The following SVIL variants were observed in gnomAD, a reference collection of about 807,000 sequenced individuals.
The protein encoded by SVIL is archvillin.
A neutral mutation model predicts 240.4 loss-of-function variants in SVIL; 101 were observed. That is an observed-to-expected ratio of 0.42 (90% CI 0.36 to 0.50). The LOEUF is 0.50. Ranked by LOEUF, SVIL falls within the 20% of genes least tolerant of loss-of-function variation. SVIL has a pLI of 0.01. For missense variants in SVIL, 2,512 were observed against 2,818.7 expected (o/e 0.89, Z 2.46); for synonymous variants, 999 against 1,100.0 (o/e 0.91, Z 1.82).
chr10:29,605,247 G>T (rs937417289), intron 1 of SVIL, among the ~76,000 whole-genome samples: 7 of 152,108 alleles, frequency 4.6e-5, no homozygotes, highest in Non-Finnish European at 8.8e-5. Flanking sequence ...GGGCCTTAAG[G>T]TTTCTATTCT....
At chr10:29,631,131 G>A (rs1958072755) in intron 1 of SVIL, among the ~76,000 whole-genome samples, 1 of 152,198 alleles carries the variant, frequency 6.6e-6, no homozygotes, top group African/African-American at 2.4e-5. Flanking sequence ...ATTTTGGGGA[G>A]ACTTGCCAAC....
intron 1 of SVIL, among the ~76,000 whole-genome samples, chr10:29,719,400 A>G (rs1365969114): frequency 1.3e-5 from 2 of 152,188 alleles, no homozygotes; most frequent in Non-Finnish European, 2.9e-5. Context: ...TCTCCAAGTA[A>G]TTTATCTACA....
intron 5 of SVIL, among the ~76,000 whole-genome samples, chr10:29,553,749 G>A (rs1269323241): frequency 2.0e-5 from 3 of 152,180 alleles, no homozygotes; most frequent in African/African-American, 4.8e-5. Context: ...GCTGAGTCAC[G>A]TGCACTCAAC....
chr10:29,599,148 GA>G (rs920111152), intron 1 of SVIL, among the ~76,000 whole-genome samples: 3 of 151,214 alleles, frequency 2.0e-5, no homozygotes, highest in East Asian at 1.9e-4. Flanking sequence ...ATCTGGCAAA[GA>G]AAAAAAAATG....
At chr10:29,519,637 G>A (rs1326232546) in intron 16 of SVIL, among the ~76,000 whole-genome samples, 1 of 152,180 alleles carries the variant, frequency 6.6e-6, no homozygotes, top group Non-Finnish European at 1.5e-5. Context: ...TACTGTGAAG[G>A]TAAGGGGGAA....
intron 5 of SVIL, among the ~76,000 whole-genome samples, chr10:29,552,478 A>G (rs56135320): frequency 0.3 from 45,009 of 149,754 alleles, 7,012 homozygotes; most frequent in African/African-American, 0.39. Flanking sequence ...CAGGAGAATC[A>G]CTTGAACCCG....
intron 11 of SVIL, among the ~76,000 whole-genome samples, chr10:29,530,238 A>C (rs1014045466): frequency 6.6e-6 from 1 of 152,110 alleles, no homozygotes; most frequent in Non-Finnish European, 1.5e-5. Context: ...AAAATTCTTC[A>C]CTTTGTTCTC....
intron 1 of SVIL, among the ~76,000 whole-genome samples, chr10:29,575,027 T>C (rs1468717114): frequency 1.3e-5 from 2 of 152,246 alleles, no homozygotes; most frequent in Non-Finnish European, 2.9e-5. Flanking sequence ...TTTTTCCTTT[T>C]CTTCCTAATT....
intron 1 of SVIL, among the ~76,000 whole-genome samples, chr10:29,708,010 C>A (rs1963012723): frequency 6.6e-6 from 1 of 152,094 alleles, no homozygotes; most frequent in Non-Finnish European, 1.5e-5. Context: ...GTAATCCCAG[C>A]ACTTTGGGAG....
At chr10:29,501,310 T>C (rs1030900379) in intron 17 of SVIL, among the ~76,000 whole-genome samples, 21 of 151,482 alleles carry the variant, frequency 1.4e-4, no homozygotes, top group African/African-American at 5.1e-4. Flanking sequence ...GCCACCATAT[T>C]GTGGTTATGC....
intron 2 of SVIL, among the ~76,000 whole-genome samples, chr10:29,683,180 C>T (rs1316761993): frequency 2.0e-5 from 3 of 152,166 alleles, no homozygotes; most frequent in Admixed American, 1.3e-4. Flanking sequence ...GGGGTGAGGG[C>T]TTCCAGGTCA....
At chr10:29,604,927 G>A (rs1218268354) in intron 1 of SVIL, among the ~76,000 whole-genome samples, 1 of 152,104 alleles carries the variant, frequency 6.6e-6, no homozygotes, top group African/African-American at 2.4e-5. Flanking sequence ...GGAAAAAACA[G>A]TATATACAGG....
intron 11 of SVIL, 99 bp from the exon 12 acceptor site, chr10:29,529,943 G>A: frequency 1.5e-6 from 2 of 1,293,282 alleles, no homozygotes; most frequent in Non-Finnish European, 2.1e-6. Context: ...GGCTAAGGAG[G>A]GAAGATTGCT....
intron 1 of SVIL, among the ~76,000 whole-genome samples, chr10:29,571,925 C>G (rs1955440284): frequency 6.6e-6 from 1 of 152,034 alleles, no homozygotes; most frequent in Non-Finnish European, 1.5e-5. Flanking sequence ...TTCACCACAC[C>G]CCACCTAGGA....
chr10:29,687,324 T>C (rs1267555119), intron 1 of SVIL, among the ~76,000 whole-genome samples: 3 of 152,238 alleles, frequency 2.0e-5, no homozygotes, highest in Non-Finnish European at 4.4e-5. Context: ...CTTTATTCCC[T>C]TTTTTCTCTT....
At chr10:29,483,717 T>C (rs1417698142) in intron 27 of SVIL, 7 of 152,262 alleles carry the variant, frequency 4.6e-5, no homozygotes, top group Non-Finnish European at 1.5e-5. Context: ...GTTACCATAC[T>C]GAGGTTAAAC....
At chr10:29,474,229 G>T (rs1039239152) in intron 29 of SVIL, among the ~76,000 whole-genome samples, 1 of 152,162 alleles carries the variant, frequency 6.6e-6, no homozygotes, top group Non-Finnish European at 1.5e-5. Context: ...GATCTGAGGG[G>T]CCCTCTTGGT....
rs1231321302 is a variant in SVIL, at chr10:29,481,670, T to C, written c.5014A>G (p.Thr1672Ala). 1 of 1,614,002 alleles carries C rather than the reference T, an allele frequency of 6.2e-7. No individual in the cohort carries two copies. The highest frequency in any genetic ancestry group is 8.5e-7 in the Non-Finnish European group (1 of 1,179,982). Residue 1672 changes from threonine to alanine, a missense_variant, in exon 28 of 38, where the codon ACG becomes GCG. This residue lies in a region of SVIL where 797 missense variants were observed against 925.3 expected (regional missense o/e 0.86). Coordinates refer to ENST00000355867, the MANE Select transcript of SVIL (RefSeq NM_021738.3). ...IFGRLTEHNE[T>A]ILFKEKFLDW... ...AGAAACTTCTCTTTGAACAAAATCG[T>C]CTCATTGTGTTCAGTAAGTCTCCCA...
intron 1 of SVIL, among the ~76,000 whole-genome samples, chr10:29,618,273 G>T (rs1957502121): frequency 6.6e-6 from 1 of 152,204 alleles, no homozygotes; most frequent in Non-Finnish European, 1.5e-5. Flanking sequence ...TTTGGGAAAG[G>T]AGGATTTATT....
Sources: allele counts gnomAD v4.1 joint callset (sites outside exome capture counted in the v4.1 genomes callset), GRCh38; gene constraint gnomAD v4.1.1; regional missense constraint gnomAD v4.1.1; transcripts MANE v1.5; gene names NCBI Gene and HGNC (gene_info 2026-07-23, HGNC 2026-07-21).